The following DTNA variants were observed in gnomAD, a reference collection of about 807,000 sequenced individuals.
DTNA encodes dystrobrevin alpha.
In DTNA, 43 loss-of-function variants were observed where a neutral mutation model predicts 100.7. The observed-to-expected ratio is 0.43, with a 90% confidence interval of 0.33 to 0.55. The LOEUF is 0.55. Among genes scored for constraint, DTNA ranks in the 20% least tolerant of loss-of-function variants. DTNA has a pLI of 0.04. For missense variants in DTNA, 798 were observed against 953.9 expected (o/e 0.84, Z 2.15); for synonymous variants, 349 against 347.9 (o/e 1.00, Z -0.04).
intron 1 of DTNA, among the ~76,000 whole-genome samples, chr18:34,738,448 A>G (rs1223307669): frequency 6.6e-6 from 1 of 152,156 alleles, no homozygotes; most frequent in Non-Finnish European, 1.5e-5. Context: ...TAGTATGTTT[A>G]CTTTGTTTAA....
intron 17 of DTNA, chr18:34,867,651 C>T: frequency 1.0e-6 from 1 of 991,446 alleles, no homozygotes; most frequent in Non-Finnish European, 1.2e-6. Flanking sequence ...ATCCTGTCGT[C>T]ATCAGCCTTG....
intron 1 of DTNA, among the ~76,000 whole-genome samples, chr18:34,627,996 GC>G (rs1466468441): frequency 1.3e-5 from 2 of 152,052 alleles, no homozygotes; most frequent in African/African-American, 2.4e-5. Context: ...TCACTGTGTT[GC>G]CTAGGCTGGT....
At chr18:34,886,117 C>T (rs745368450) in intron 22 of DTNA, among the ~76,000 whole-genome samples, 6 of 152,156 alleles carry the variant, frequency 3.9e-5, no homozygotes, top group South Asian at 2.1e-4. Context: ...ATGTTGGTTG[C>T]TATTAATAAT....
chr18:34,783,889 A>C, intron 3 of DTNA, among the ~76,000 whole-genome samples: 1 of 152,246 alleles, frequency 6.6e-6, no homozygotes, highest in Non-Finnish European at 1.5e-5. Flanking sequence ...GCTCTTAACA[A>C]CTAGGTAATT....
At chr18:34,594,788 C>T (rs1294740623) in intron 1 of DTNA, among the ~76,000 whole-genome samples, 3 of 152,100 alleles carry the variant, frequency 2.0e-5, no homozygotes, top group African/African-American at 7.2e-5. Context: ...TGCCCCTTTC[C>T]TCCTTTCTCT....
chr18:34,602,412 T>C (rs1189145475), intron 1 of DTNA, among the ~76,000 whole-genome samples: 1 of 152,208 alleles, frequency 6.6e-6, no homozygotes. Context: ...ACATTTGCAT[T>C]AAGAATGCAT....
At position 34,812,007 on chromosome 18, in the gene DTNA, G is replaced by A. The variant is rs376007740; in HGVS notation, c.497G>A (p.Arg166Gln). Residue 166 changes from arginine to glutamine, a missense_variant, in exon 6 of 23, where the codon CGA (arginine) becomes CAA (glutamine). Transcript: ENST00000444659. Reference protein sequence around the residue: ...SDSSGVMVYGRYDQFLREVLK... With the variant: ...SDSSGVMVYGQYDQFLREVLK... ...TCCAGTGGGGTGATGGTTTATGGACGATATGACCAATTCCTTCGGGAAGTT... is the reference window on the plus strand; with the variant it reads ...TCCAGTGGGGTGATGGTTTATGGACAATATGACCAATTCCTTCGGGAAGTT... The A allele has an allele frequency of 5.8e-5, 94 of 1,613,986 alleles. No individual in the cohort carries two copies. Among genetic ancestry groups the A allele is most frequent in the Non-Finnish European group, 7.6e-5 (90 of 1,179,942 alleles).
chr18:34,626,296 A>G (rs9973030), intron 1 of DTNA, among the ~76,000 whole-genome samples: 2,537 of 152,296 alleles, frequency 0.017, 57 homozygotes, highest in African/African-American at 0.05. Flanking sequence ...GCTCTACCAT[A>G]AAGGAGTAGA....
chr18:34,834,943 G>A (rs1568701766), intron 11 of DTNA, among the ~76,000 whole-genome samples: 1 of 152,220 alleles, frequency 6.6e-6, no homozygotes, highest in Non-Finnish European at 1.5e-5. Context: ...AAGCTTGGAA[G>A]CTGGAGAAGA....
intron 1 of DTNA, among the ~76,000 whole-genome samples, chr18:34,680,079 G>A (rs546376034): frequency 3.7e-4 from 56 of 152,198 alleles, no homozygotes; most frequent in African/African-American, 1.2e-3. Flanking sequence ...TCGGGATAAC[G>A]TTTTAGATGC....
chr18:34,884,692 G>A (rs771193188), intron 21 of DTNA, 36 bp from the exon 22 acceptor site: 1 of 1,613,614 alleles, frequency 6.2e-7, no homozygotes, highest in Non-Finnish European at 8.5e-7. Flanking sequence ...GACTTGACGT[G>A]TCACCTTTCT....
intron 1 of DTNA, among the ~76,000 whole-genome samples, chr18:34,715,184 G>T (rs1311547751): frequency 2.0e-5 from 3 of 151,280 alleles, no homozygotes; most frequent in African/African-American, 7.3e-5. Flanking sequence ...ATGTGCACAT[G>T]TACCCTAAAA....
At chr18:34,849,582 A>G (rs2149894513) in intron 14 of DTNA, among the ~76,000 whole-genome samples, 1 of 152,358 alleles carries the variant, frequency 6.6e-6, no homozygotes, top group East Asian at 1.9e-4. Flanking sequence ...AAAGTACTGC[A>G]TAAACCAGCA....
intron 1 of DTNA, among the ~76,000 whole-genome samples, chr18:34,637,884 C>T (rs2058829516): frequency 6.6e-6 from 1 of 152,198 alleles, no homozygotes; most frequent in African/African-American, 2.4e-5. Context: ...CTGAGCTAAG[C>T]ATATATTTCA....
chr18:34,840,281 T>G lies in DTNA; in HGVS notation c.1346+1444T>G, dbSNP rs111580493. On this transcript the variant is annotated intron_variant, in intron 13 of 22. Coordinates refer to ENST00000444659, the MANE Select transcript of DTNA (RefSeq NM_001386795.1). ...TTCTAGATTAAATAGTATCCACTTT[T>G]TCACAACTCAGGCTCTCAAAACTAC... Among the ~76,000 whole-genome samples the G allele has an allele frequency of 1.0e-2, 1,521 of 152,294 alleles. 31 individuals carry two copies. Among genetic ancestry groups the G allele is most frequent in the African/African-American group, 0.034 (1,415 of 41,568 alleles).
chr18:34,838,867 C>A lies in DTNA; in HGVS notation c.1346+30C>A, dbSNP rs138035614. 5.6e-4 allele frequency: 890 copies of A among 1,588,602 alleles called. 1 individual carries two copies. The highest frequency in any genetic ancestry group is 7.3e-4 in the Non-Finnish European group (842 of 1,157,130). On this transcript the variant is annotated intron_variant, in intron 13 of 22. Transcript: ENST00000444659. Reference sequence around the variant, plus strand: ...GTGCAGGTTTGGCTGCTTGACTGTCCTTAGAGAGGGATACAGTCTGAGCTG... The same window carrying A: ...GTGCAGGTTTGGCTGCTTGACTGTCATTAGAGAGGGATACAGTCTGAGCTG...
At chr18:34,600,497 T>C (rs2051570903) in intron 1 of DTNA, among the ~76,000 whole-genome samples, 1 of 152,242 alleles carries the variant, frequency 6.6e-6, no homozygotes, top group Non-Finnish European at 1.5e-5. Context: ...ACTGAATTAA[T>C]CACAGTTCAG....
chr18:34,718,194 C>A (rs1277013582), intron 1 of DTNA, among the ~76,000 whole-genome samples: 1 of 152,020 alleles, frequency 6.6e-6, no homozygotes, highest in Non-Finnish European at 1.5e-5. Context: ...CATAAATCAT[C>A]CTCTTGGAAG....
chr18:34,794,283 C>T, intron 4 of DTNA, 33 bp downstream of exon 4: 3 of 1,612,822 alleles, frequency 1.9e-6, no homozygotes, highest in Non-Finnish European at 2.5e-6. Flanking sequence ...TTCCTCTCTA[C>T]ATGTTTGGCT....
Sources: allele counts gnomAD v4.1 joint callset (sites outside exome capture counted in the v4.1 genomes callset), GRCh38; gene constraint gnomAD v4.1.1; transcripts MANE v1.5; gene names NCBI Gene and HGNC (gene_info 2026-07-23, HGNC 2026-07-21).